Variants in ZNF536 observed in about 807,000 individuals in gnomAD.
ZNF536 encodes the protein zinc finger protein 536.
A neutral mutation model predicts 84.5 loss-of-function variants in ZNF536; 13 were observed. The ratio of observed to expected loss-of-function variants is 0.15; its 90% CI spans 0.10 to 0.24. ZNF536 has a LOEUF of 0.24. Among genes scored for constraint, ZNF536 ranks in the 10% least tolerant of loss-of-function variants. The probability of loss-of-function intolerance (pLI) is 1.00; values close to 1 mark genes in which losing one functional copy is unlikely to be tolerated. For missense variants in ZNF536, 1,536 were observed against 1,747.5 expected, an observed-to-expected ratio of 0.88 and a Z score of 2.16; for synonymous variants, 811 against 742.5, an observed-to-expected ratio of 1.09 and a Z score of -1.50.
chr19:30,455,451 C>T (rs779645921), intron 2 of ZNF536, among the ~76,000 whole-genome samples: 2 of 152,156 alleles, frequency 1.3e-5, no homozygotes, highest in Non-Finnish European at 2.9e-5. Context: ...GCCTGTATTC[C>T]AACACTTTGG....
At chr19:30,413,907 T>C (rs1269014851) in intron 1 of ZNF536, among the ~76,000 whole-genome samples, 3 of 151,914 alleles carry the variant, frequency 2.0e-5, no homozygotes, top group Non-Finnish European at 4.4e-5. Flanking sequence ...CTGGCTAACA[T>C]GGTGAAACCC....
intron 2 of ZNF536, among the ~76,000 whole-genome samples, chr19:30,328,451 G>C (rs2047107209): frequency 6.6e-6 from 1 of 152,174 alleles, no homozygotes; most frequent in East Asian, 1.9e-4. Context: ...GCTCTCTGCT[G>C]CCCTTGATCT....
In ZNF536 at chr19:30,654,111, G is replaced by A. The variant is rs551873319; in HGVS notation, c.170-56646G>A. ...TTGAGATCCTCCCCTCCCTGTCGCC[G>A]ACGCTCCTTTGAAACAAGCGGGCTG... On this transcript the variant is annotated intron_variant, in intron 1 of 1. Coordinates refer to the ZNF536 transcript ENST00000592773. Among the ~76,000 whole-genome samples, 4 of 152,262 alleles carry A rather than the reference G, an allele frequency of 2.6e-5. No individual in the cohort carries two copies. In the East Asian group the frequency reaches 7.7e-4, roughly 29 times the overall value.
intron 1 of ZNF536, among the ~76,000 whole-genome samples, chr19:30,428,021 C>T (rs959768841): frequency 1.3e-5 from 2 of 152,156 alleles, no homozygotes; most frequent in Non-Finnish European, 2.9e-5. Flanking sequence ...TTGTGAATTC[C>T]CTGCTCACAT....
intron 1 of ZNF536, among the ~76,000 whole-genome samples, chr19:30,575,968 T>A (rs1203825802): frequency 6.6e-6 from 1 of 152,170 alleles, no homozygotes; most frequent in African/African-American, 2.4e-5. Context: ...GCCAGCTTCA[T>A]GGGGTGTGCG....
At chr19:30,619,792 T>C (rs571518686) in intron 1 of ZNF536, among the ~76,000 whole-genome samples, 6 of 152,358 alleles carry the variant, frequency 3.9e-5, no homozygotes, top group African/African-American at 1.4e-4. Flanking sequence ...TTGTTTGCTT[T>C]GCTAATTAGT....
chr19:30,376,794 C>T (rs920469128), intron 1 of ZNF536, among the ~76,000 whole-genome samples: 11 of 152,238 alleles, frequency 7.2e-5, no homozygotes, highest in Admixed American at 1.3e-4. Context: ...AGTTGACTCC[C>T]TTGACTGCCG....
At chr19:30,587,711 A>G (rs2047141976) in intron 1 of ZNF536, among the ~76,000 whole-genome samples, 1 of 152,212 alleles carries the variant, frequency 6.6e-6, no homozygotes, top group African/African-American at 2.4e-5. Context: ...TCTGGGGAAA[A>G]GCTCCATCCC....
At chr19:30,696,715 G>T (rs2147952366) in intron 1 of ZNF536, among the ~76,000 whole-genome samples, 1 of 152,282 alleles carries the variant, frequency 6.6e-6, no homozygotes. Flanking sequence ...TAGAGGCCAG[G>T]CCCCAGGAAG....
intron 3 of ZNF536, among the ~76,000 whole-genome samples, chr19:30,367,272 G>A (rs1170201809): frequency 1.3e-5 from 2 of 152,156 alleles, no homozygotes; most frequent in Non-Finnish European, 2.9e-5. Flanking sequence ...TGAGGCCACC[G>A]CTGACATGCT....
intron 2 of ZNF536, among the ~76,000 whole-genome samples, chr19:30,321,609 A>C (rs1446539397): frequency 6.6e-6 from 1 of 152,018 alleles, no homozygotes; most frequent in Non-Finnish European, 1.5e-5. Context: ...GGTACCACAA[A>C]TTTAGAAAAC....
At chr19:30,700,197 T>TTTTCTTTCCTTCTTTCTTTCCTTCC (rs1555843278) in intron 1 of ZNF536, among the ~76,000 whole-genome samples, 1 of 131,626 alleles carries the variant, frequency 7.6e-6, no homozygotes, top group African/African-American at 2.9e-5. Context: ...TCCTTCTTTC[T>TTTTCTTTCCTTCTTTCTTTCCTTCC]TTCCTTCTTT....
intron 1 of ZNF536, among the ~76,000 whole-genome samples, chr19:30,407,977 G>T (rs771578476): frequency 6.6e-6 from 1 of 152,180 alleles, no homozygotes; most frequent in African/African-American, 2.4e-5. Context: ...TGGCCGTCAT[G>T]AAATCAGTTG....
intron 2 of ZNF536, among the ~76,000 whole-genome samples, chr19:30,293,517 C>T (rs1315703750): frequency 6.6e-6 from 1 of 152,108 alleles, no homozygotes; most frequent in Admixed American, 6.5e-5. Flanking sequence ...GCACGACATT[C>T]CCCCCGCCTG....
At chr19:30,408,653 G>C (rs909056412) in intron 1 of ZNF536, among the ~76,000 whole-genome samples, 25 of 152,140 alleles carry the variant, frequency 1.6e-4, no homozygotes, top group Non-Finnish European at 1.5e-5. Flanking sequence ...GTTGCAATCT[G>C]CTTTTGTTTT....
At chr19:30,428,641 C>T (rs2051315307) in intron 1 of ZNF536, among the ~76,000 whole-genome samples, 1 of 151,792 alleles carries the variant, frequency 6.6e-6, no homozygotes, top group Non-Finnish European at 1.5e-5. Context: ...GAAGGCCTCT[C>T]CATAGGACAT....
rs556659992 is a variant in ZNF536, at chr19:30,677,941, A to G, written c.170-32816A>G. Among the ~76,000 whole-genome samples, 12 of 152,246 alleles carry G rather than the reference A, an allele frequency of 7.9e-5. No homozygotes were observed. The East Asian group carries it at 2.3e-3, about 30-fold the overall frequency. ...TGATGGGCACAGGTAGCCCCCAGCT[A>G]TCACCCTGAGCCACCGAACTTCCTT... On this transcript the variant is annotated intron_variant, in intron 1 of 1. Coordinates refer to the ZNF536 transcript ENST00000592773.
At chr19:30,462,820 T>C (rs1449949886) in intron 2 of ZNF536, among the ~76,000 whole-genome samples, 9 of 147,786 alleles carry the variant, frequency 6.1e-5, no homozygotes, top group Non-Finnish European at 1.2e-4. Context: ...TTGCCTGTGT[T>C]GGAATGGAAT....
chr19:30,606,254 A>AAAT (rs1295519477), intron 1 of ZNF536, among the ~76,000 whole-genome samples: 100 of 3,908 alleles, frequency 0.026, 2 homozygotes, highest in African/African-American at 0.055. Context: ...AAATAAAATA[A>AAAT]ATAAAATAAA....
Sources: gnomAD v4.1 joint callset for allele counts (sites outside exome capture counted in the v4.1 genomes callset) on GRCh38, gnomAD v4.1.1 for gene constraint, MANE v1.5 for transcripts, NCBI Gene and HGNC (gene_info 2026-07-23, HGNC 2026-07-21) for gene names.